Variants in ANKRD44 observed in about 807,000 individuals in gnomAD.
The protein encoded by ANKRD44 is ankyrin repeat domain 44, also known as serine/threonine-protein phosphatase 6 regulatory ankyrin repeat subunit B.
A neutral mutation model predicts 116.0 loss-of-function variants in ANKRD44; 35 were observed. That is an observed-to-expected ratio of 0.30 (90% confidence interval 0.23 to 0.40). The LOEUF (loss-of-function observed/expected upper bound fraction) is 0.40. Among genes scored for constraint, ANKRD44 ranks in the 10% least tolerant of loss-of-function variants. The probability of loss-of-function intolerance (pLI) is 1.00; values close to 1 mark genes in which losing one functional copy is unlikely to be tolerated. For synonymous variants in ANKRD44, 435 were observed against 461.8 expected, an observed-to-expected ratio of 0.94 and a Z score of 0.74; for missense variants, 1,014 against 1,242.6, an observed-to-expected ratio of 0.82 and a Z score of 2.77.
At chr2:196,999,152 A>C in intron 23 of ANKRD44, 100 bp from the exon 24 acceptor site, 2 of 1,408,730 alleles carry the variant, frequency 1.4e-6, no homozygotes, top group Admixed American at 4.6e-5. Context: ...TAAGGATTTA[A>C]AACTTCTCAG....
rs186326927 is a variant in ANKRD44, at chr2:197,070,704, C to G, written c.1650+7999G>C. Among the ~76,000 whole-genome samples the G allele has an allele frequency of 3.0e-3, 450 of 151,266 alleles. 4 individuals carry two copies. The highest frequency in any genetic ancestry group is 4.4e-3 in the African/African-American group (182 of 41,310). On this transcript the variant is annotated intron_variant, in intron 16 of 27. Coordinates refer to ENST00000282272, the MANE Select transcript of ANKRD44 (RefSeq NM_001195144.2). ...AAGACATTGTGCTCGCTCTCGCTCT[C>G]TGTGTGTGTGTGTGTGTCTTTGGTA...
chr2:197,067,014 T>C (rs1394983296), intron 16 of ANKRD44, among the ~76,000 whole-genome samples: 33 of 152,196 alleles, frequency 2.2e-4, no homozygotes, highest in African/African-American at 2.9e-4. Context: ...GGAGGCATCA[T>C]GCTACCTGAC....
chr2:197,263,008 T>C (rs761030996), intron 1 of ANKRD44: 25 of 235,526 alleles, frequency 1.1e-4, no homozygotes, highest in Non-Finnish European at 1.8e-4. Flanking sequence ...TATTGCATGA[T>C]ATGCTCTGGT....
At chr2:197,121,573 A>G in intron 7 of ANKRD44, 29 bp from the exon 8 acceptor site, 1 of 1,596,488 alleles carries the variant, frequency 6.3e-7, no homozygotes, top group Non-Finnish European at 8.6e-7. Context: ...CAGGGTGATT[A>G]AAGTCATTAG....
rs566501065 is a variant in ANKRD44, at chr2:197,104,340, C to T, written c.986-4410G>A. On this transcript the variant is annotated intron_variant, in intron 9 of 27. Coordinates refer to ENST00000282272, the MANE Select transcript of ANKRD44 (RefSeq NM_001195144.2). The stretch of plus-strand genomic sequence containing the variant: ...TTTGCCATGTTGGCCAGGCTGGTCT[C>T]GAACTCCTGACCTCAAGTGATCTAC... Among the ~76,000 whole-genome samples the T allele has an allele frequency of 9.2e-5, 14 of 152,216 alleles. No individual in the cohort carries two copies. In the East Asian group the frequency reaches 2.1e-3, roughly 23 times the overall value.
At position 197,058,512 on chromosome 2, in the gene ANKRD44, A is replaced by C. The variant is rs2077246902; in HGVS notation, c.1650+20191T>G. ...TGAGGAAAAAATAATAGATAAGTTT[A>C]AGAAGATCAGAAACTTATAGTTGAT... On this transcript the variant is annotated intron_variant, in intron 16 of 27. Coordinates refer to ENST00000282272, the MANE Select transcript of ANKRD44 (RefSeq NM_001195144.2). Among the ~76,000 whole-genome samples, 2 of 151,988 alleles carry C rather than the reference A, an allele frequency of 1.3e-5. 1 individual carries two copies. Among genetic ancestry groups the C allele is most frequent in the African/African-American group, 4.8e-5 (2 of 41,394 alleles).
At chr2:197,182,039 G>A (rs192153474) in intron 2 of ANKRD44, among the ~76,000 whole-genome samples, 55 of 152,142 alleles carry the variant, frequency 3.6e-4, no homozygotes, top group Non-Finnish European at 7.4e-4. Flanking sequence ...CAGTAAAAGT[G>A]TCCTCTTGAC....
intron 16 of ANKRD44, among the ~76,000 whole-genome samples, chr2:197,041,350 G>C (rs930166964): frequency 1.6e-4 from 24 of 152,126 alleles, no homozygotes; most frequent in Admixed American, 3.3e-4. Flanking sequence ...ACCCTCTCCT[G>C]GTTCCCATTG....
At chr2:197,014,799 C>CA (rs1044141455) in intron 17 of ANKRD44, among the ~76,000 whole-genome samples, 29 of 150,654 alleles carry the variant, frequency 1.9e-4, no homozygotes, top group Non-Finnish European at 3.0e-4. Context: ...AAAAAAACAA[C>CA]AAAAAATGAT....
At chr2:197,277,454 A>T (rs2083124784) in intron 1 of ANKRD44, among the ~76,000 whole-genome samples, 1 of 152,094 alleles carries the variant, frequency 6.6e-6, no homozygotes, top group Admixed American at 6.5e-5. Context: ...TCCAGTGAGG[A>T]TCTGGAAGAC....
chr2:197,300,134 G>A (rs536601582), intron 1 of ANKRD44, among the ~76,000 whole-genome samples: 6 of 152,284 alleles, frequency 3.9e-5, no homozygotes, highest in African/African-American at 1.2e-4. Context: ...GTTTTGCTTA[G>A]GCACAAATTC....
intron 1 of ANKRD44, among the ~76,000 whole-genome samples, chr2:197,309,120 G>A (rs1383224085): frequency 6.6e-6 from 1 of 152,156 alleles, no homozygotes; most frequent in Non-Finnish European, 1.5e-5. Flanking sequence ...AAGATCTAGG[G>A]ATTAACAGAC....
At chr2:197,249,881 T>C (rs994885373) in intron 1 of ANKRD44, among the ~76,000 whole-genome samples, 1 of 152,182 alleles carries the variant, frequency 6.6e-6, no homozygotes, top group African/African-American at 2.4e-5. Context: ...AATCTTAACA[T>C]GGAAAGTGAA....
At chr2:197,127,499 T>A (rs1017218492) in intron 4 of ANKRD44, among the ~76,000 whole-genome samples, 1 of 152,186 alleles carries the variant, frequency 6.6e-6, no homozygotes, top group African/African-American at 2.4e-5. Context: ...AATTTTTTTT[T>A]AATTAAAGAA....
chr2:197,036,866 G>A (rs148834705), intron 16 of ANKRD44, among the ~76,000 whole-genome samples: 1 of 152,308 alleles, frequency 6.6e-6, no homozygotes, highest in Non-Finnish European at 1.5e-5. Context: ...ACTCTATCCT[G>A]ATAAAGTTTT....
intron 12 of ANKRD44, among the ~76,000 whole-genome samples, chr2:197,088,424 G>T (rs1386584697): frequency 1.3e-5 from 2 of 151,872 alleles, no homozygotes; most frequent in African/African-American, 4.8e-5. Flanking sequence ...TTGGTGTATG[G>T]GGTAACTGAT....
intron 1 of ANKRD44, among the ~76,000 whole-genome samples, chr2:197,226,421 T>C (rs1009439878): frequency 1.3e-5 from 2 of 152,166 alleles, no homozygotes; most frequent in African/African-American, 4.8e-5. Context: ...ATCCTAGTAC[T>C]TTGAGAGACT....
intron 21 of ANKRD44, among the ~76,000 whole-genome samples, chr2:196,975,520 A>ACGCCT (rs948744662): frequency 6.6e-6 from 1 of 152,282 alleles, no homozygotes; most frequent in Non-Finnish European, 1.5e-5. Flanking sequence ...GCGGTGGCTC[A>ACGCCT]CGCCTGTGAT....
At chr2:197,290,777 G>A (rs2083543049) in intron 1 of ANKRD44, among the ~76,000 whole-genome samples, 1 of 152,148 alleles carries the variant, frequency 6.6e-6, no homozygotes, top group Admixed American at 6.5e-5. Flanking sequence ...AGCATTGTAA[G>A]ATAATCAGTT....
Sources: allele counts gnomAD v4.1 joint callset (sites outside exome capture counted in the v4.1 genomes callset), GRCh38; gene constraint gnomAD v4.1.1; transcripts MANE v1.5; gene names NCBI Gene and HGNC (gene_info 2026-07-23, HGNC 2026-07-21).